The following TENT5C variants were observed in gnomAD, a reference collection of about 807,000 sequenced individuals.
The protein encoded by TENT5C is family with sequence similarity 46 member C.
Under a neutral mutation model 22.2 loss-of-function variants are expected in TENT5C, and 5 were observed. That is an observed-to-expected ratio of 0.22 (90% CI 0.12 to 0.47). TENT5C has a LOEUF of 0.47. Ranked by LOEUF, TENT5C falls within the 20% of genes least tolerant of loss-of-function variation. The pLI is 0.99. For synonymous variants in TENT5C, 199 were observed against 195.4 expected (o/e 1.02, Z -0.15); for missense variants, 364 against 500.9 (o/e 0.73, Z 2.61).
intron 1 of TENT5C, among the ~76,000 whole-genome samples, chr1:117,609,786 GA>G (rs1231892710): frequency 6.6e-6 from 1 of 152,208 alleles, no homozygotes; most frequent in Admixed American, 6.5e-5. Context: ...CTGGCACACA[GA>G]AGGTGTTCTG....
chr1:117,612,422 T>A (rs1653689834), intron 1 of TENT5C, among the ~76,000 whole-genome samples: 1 of 152,092 alleles, frequency 6.6e-6, no homozygotes, highest in South Asian at 2.1e-4. Context: ...TGATAAAATC[T>A]TCTGAGACTG....
Position 117,626,197 on chromosome 1 carries a change from T to A in TENT5C, c.*2153T>A, listed in dbSNP as rs1654007981. On this transcript the variant is annotated 3_prime_UTR_variant, in exon 2 of 2. Transcript: ENST00000369448. ...CAGTATTTCTTCTACTTAGAAGGCT[T>A]GGGGCCCAGGGTAATGAGGCACCAG... 1 of 247,890 alleles carries A rather than the reference T, an allele frequency of 4.0e-6. No homozygotes were observed. Among genetic ancestry groups the A allele is most frequent in the African/African-American group, 2.2e-5 (1 of 45,334 alleles). The allele number at this position is 247,890 out of a possible 1,614,324, so 15.4% of individuals were successfully genotyped here. A position where few individuals can be genotyped will look rare whatever the true frequency, so the allele number is the denominator to read the frequency against.
intron 1 of TENT5C, among the ~76,000 whole-genome samples, chr1:117,612,926 A>G (rs1291598992): frequency 6.6e-6 from 1 of 152,230 alleles, no homozygotes; most frequent in Non-Finnish European, 1.5e-5. Flanking sequence ...TAGATGGTAA[A>G]GTAGCCTGTG....
Position 117,626,704 on chromosome 1 carries a change from T to C in TENT5C, c.*2660T>C, listed in dbSNP as rs980154808. ...CAGTGGTTCCTATTTTATGTGTGTG[T>C]GTATGTGTGTGTGTTGAGTAACATG... On this transcript the variant is annotated 3_prime_UTR_variant, in exon 2 of 2. Coordinates refer to ENST00000369448, the MANE Select transcript of TENT5C (RefSeq NM_017709.4). 8.1e-6 allele frequency: 2 copies of C among 247,976 alleles called. No individual in the cohort carries two copies. Among genetic ancestry groups the C allele is most frequent in the African/African-American group, 4.4e-5 (2 of 45,330 alleles). The allele number at this position is 247,976 out of a possible 1,614,324, so 15.4% of individuals were successfully genotyped here.
chr1:117,606,722 G>A (rs191766665), intron 1 of TENT5C, among the ~76,000 whole-genome samples: 43 of 152,330 alleles, frequency 2.8e-4, no homozygotes, highest in Admixed American at 9.8e-4. Context: ...GGATCTGGTT[G>A]GGGAGGGGAG....
At chr1:117,609,953 A>G (rs1653629413) in intron 1 of TENT5C, among the ~76,000 whole-genome samples, 1 of 152,166 alleles carries the variant, frequency 6.6e-6, no homozygotes, top group East Asian at 1.9e-4. Flanking sequence ...GGCAGTGACT[A>G]GCTAATTGAC....
intron 1 of TENT5C, among the ~76,000 whole-genome samples, chr1:117,609,297 A>G (rs1156703150): frequency 6.6e-6 from 1 of 152,244 alleles, no homozygotes; most frequent in African/African-American, 2.4e-5. Context: ...TAGGTAAGGA[A>G]GCCTTAAGAA....
chr1:117,613,543 T>C (rs1299760548), intron 1 of TENT5C, among the ~76,000 whole-genome samples: 2 of 152,186 alleles, frequency 1.3e-5, no homozygotes, highest in Non-Finnish European at 1.5e-5. Flanking sequence ...GTGATAACCA[T>C]TCAGACTGTG....
At chr1:117,621,677 G>A (rs1051642147) in intron 1 of TENT5C, among the ~76,000 whole-genome samples, 1 of 152,138 alleles carries the variant, frequency 6.6e-6, no homozygotes, top group Non-Finnish European at 1.5e-5. Context: ...GGTCTAGCAA[G>A]TCAGAAAGGC....
chr1:117,606,825 C>T (rs903710473), intron 1 of TENT5C, among the ~76,000 whole-genome samples: 1 of 152,218 alleles, frequency 6.6e-6, no homozygotes, highest in African/African-American at 2.4e-5. Context: ...CTGTGGACAC[C>T]ATGAGCAGCA....
rs1280675264 is a variant in TENT5C at position 117,620,602 on chromosome 1, T to A, written c.-27-2240T>A. Among the ~76,000 whole-genome samples the A allele has an allele frequency of 2.0e-5, 3 of 152,254 alleles. No homozygotes were observed. The East Asian group carries it at 5.8e-4, about 29-fold the overall frequency. On this transcript the variant is annotated intron_variant, in intron 1 of 1. Transcript: ENST00000369448. ...CCCCACCCCCCTGACCACGGGCCAA[T>A]ACCAGTCCGTGGCCTGTTAGGAACT...
At chr1:117,615,221 T>A (rs745464539) in intron 1 of TENT5C, among the ~76,000 whole-genome samples, 13 of 152,238 alleles carry the variant, frequency 8.5e-5, no homozygotes, top group Non-Finnish European at 1.2e-4. Flanking sequence ...TCCTTTTCTT[T>A]CTACTTACTG....
In TENT5C at chr1:117,622,999, T is replaced by C; in HGVS notation, c.131T>C (p.Leu44Ser). Residue 44 changes from leucine to serine, a missense_variant, in exon 2 of 2, where the codon TTG (leucine) becomes TCG (serine). Coordinates refer to ENST00000369448, the MANE Select transcript of TENT5C (RefSeq NM_017709.4). ...PIHGRGNFPT[L>S]EITLKDIVQT... is the part of the protein sequence containing the mutation. Reference sequence around the variant, plus strand: ...CACGGACGAGGCAACTTTCCAACCTTGGAGATAACTCTGAAGGACATCGTC... The same window carrying C: ...CACGGACGAGGCAACTTTCCAACCTCGGAGATAACTCTGAAGGACATCGTC... 6.2e-7 allele frequency: 1 copy of C among 1,614,170 alleles called. No individual in the cohort carries two copies. The highest frequency in any genetic ancestry group is 8.5e-7 in the Non-Finnish European group (1 of 1,180,014).
intron 1 of TENT5C, among the ~76,000 whole-genome samples, chr1:117,606,998 G>A (rs1034225534): frequency 6.6e-6 from 1 of 152,208 alleles, no homozygotes; most frequent in African/African-American, 2.4e-5. Context: ...ATACCGGTGC[G>A]GCTGCCCCGG....
rs537097233 is a variant in TENT5C, at chr1:117,624,301, G to T, written c.*257G>T. 5.3e-4 allele frequency: 256 copies of T among 480,858 alleles called. No individual in the cohort carries two copies. The highest frequency in any genetic ancestry group is 4.1e-3 in the African/African-American group (210 of 51,438). 29.8% of individuals were successfully genotyped at this position (480,858 alleles called of 1,614,324 possible). ...GCATGACCTATCCACATCTTTCCAA[G>T]ATAGACACTAACATGTCATGTCCCA... On this transcript the variant is annotated 3_prime_UTR_variant, in exon 2 of 2. Coordinates refer to ENST00000369448, the MANE Select transcript of TENT5C (RefSeq NM_017709.4).
chr1:117,621,142 C>T (rs955491839), intron 1 of TENT5C, among the ~76,000 whole-genome samples: 7 of 152,056 alleles, frequency 4.6e-5, no homozygotes, highest in Non-Finnish European at 1.0e-4. Context: ...GACTTTTTAA[C>T]GCTGTTCAGA....
rs992630567 is a variant in TENT5C at position 117,626,947 on chromosome 1, T to A, written c.*2903T>A. 4.0e-6 allele frequency: 1 copy of A among 248,062 alleles called. No individual in the cohort carries two copies. The highest frequency in any genetic ancestry group is 8.5e-6 in the Non-Finnish European group (1 of 118,150). 15.4% of individuals were successfully genotyped at this position (248,062 alleles called of 1,614,324 possible). A position where few individuals can be genotyped will look rare whatever the true frequency, so the allele number is the denominator to read the frequency against. Reference sequence around the variant, plus strand: ...CTCACATTGGCAGAATAGCACGCACTAGATGCCTGACCTTGAGCTCTAGTC... The same window carrying A: ...CTCACATTGGCAGAATAGCACGCACAAGATGCCTGACCTTGAGCTCTAGTC... On this transcript the variant is annotated 3_prime_UTR_variant, in exon 2 of 2. Transcript: ENST00000369448.
At position 117,626,111 on chromosome 1, in the gene TENT5C, G is replaced by A. The variant is rs1248682887; in HGVS notation, c.*2067G>A. The A allele has an allele frequency of 4.0e-6, 1 of 247,872 alleles. No homozygotes were observed. The highest frequency in any genetic ancestry group is 5.6e-5 in the Admixed American group (1 of 17,778). 15.4% of individuals were successfully genotyped at this position (247,872 alleles called of 1,614,324 possible). A position where few individuals can be genotyped will look rare whatever the true frequency, so the allele number is the denominator to read the frequency against. On this transcript the variant is annotated 3_prime_UTR_variant, in exon 2 of 2. Coordinates refer to ENST00000369448, the MANE Select transcript of TENT5C (RefSeq NM_017709.4). ...GTGTTTGCACAAAAATGACCGATGT[G>A]TTTAACCAAAGCTTTGAAATGTGAT...
chr1:117,623,722 A>G lies in TENT5C; in HGVS notation c.854A>G (p.Gln285Arg). Residue 285 changes from glutamine (Q) to arginine (R), a missense_variant, in exon 2 of 2, where the codon CAG becomes CGG. This residue lies in a region of TENT5C where 303 missense variants were observed against 394.5 expected (regional missense o/e 0.77). Transcript: ENST00000369448. ...GACTTCCCGGACATCCTTGAACAGC[A>G]GAGGAAGTTGGAGACTTACCTTCAA... ...FIDFPDILEQ[Q>R]RKLETYLQNH... 6.2e-7 allele frequency: 1 copy of G among 1,614,178 alleles called. No homozygotes were observed.
Sources: allele counts gnomAD v4.1 joint callset (sites outside exome capture counted in the v4.1 genomes callset), GRCh38; gene constraint gnomAD v4.1.1; regional missense constraint gnomAD v4.1.1; transcripts MANE v1.5; gene names NCBI Gene and HGNC (gene_info 2026-07-23, HGNC 2026-07-21).